The following PIK3R5 variants were observed in gnomAD, a reference collection of about 807,000 sequenced individuals.
PIK3R5 encodes the protein phosphoinositide-3-kinase regulatory subunit 5, also known as phosphoinositide 3-kinase regulatory subunit 5.
A neutral mutation model predicts 94.9 loss-of-function variants in PIK3R5; 32 were observed. That is an observed-to-expected ratio of 0.34 (90% CI 0.25 to 0.45). The LOEUF (loss-of-function observed/expected upper bound fraction) is 0.45, where lower values mean the gene tolerates loss of function less well. PIK3R5 is among the 20% of genes least tolerant of loss of function. The pLI is 1.00. For synonymous variants in PIK3R5, 443 were observed against 479.4 expected (o/e 0.92, Z 0.99); for missense variants, 853 against 1,144.6 (o/e 0.75, Z 3.68).
In PIK3R5 at chr17:8,937,750, T is replaced by A. The variant is rs141032251; in HGVS notation, c.-13-26243A>T. On this transcript the variant is annotated intron_variant, in intron 1 of 18. Transcript: ENST00000447110. ...ATTAGGTAATGCTGGCCTCATAGAATGAGTTAGGAAGCACTCCCTCTTCTT... is the reference window on the plus strand; with the variant it reads ...ATTAGGTAATGCTGGCCTCATAGAAAGAGTTAGGAAGCACTCCCTCTTCTT... 5.3e-5 allele frequency among the ~76,000 whole-genome samples: 8 copies of A among 152,216 alleles called. 1 individual carries two copies. Among genetic ancestry groups the A allele is most frequent in the Admixed American group, 3.9e-4 (6 of 15,278 alleles).
At chr17:8,942,976 A>ACACACAAT (rs2091212886) in intron 1 of PIK3R5, among the ~76,000 whole-genome samples, 2 of 151,758 alleles carry the variant, frequency 1.3e-5, no homozygotes, top group African/African-American at 4.8e-5. Context: ...ACACACACAC[A>ACACACAAT]CACACACACA....
chr17:8,893,722 G>A lies in PIK3R5; in HGVS notation c.413-67C>T. 1 of 1,226,174 alleles carries A rather than the reference G, an allele frequency of 8.2e-7. No individual in the cohort carries two copies. Among genetic ancestry groups the A allele is most frequent in the South Asian group, 1.2e-5 (1 of 82,328 alleles). The allele number at this position is 1,226,174 out of a possible 1,614,324, so 76.0% of individuals were successfully genotyped here. On this transcript the variant is annotated intron_variant, in intron 5 of 18. Coordinates refer to ENST00000447110, the MANE Select transcript of PIK3R5 (RefSeq NM_001142633.3). This position sits in a 1 kb window ranked among gnomAD's most constrained non-coding sequence, Gnocchi z 5.1. ...CTTCAGCATCGTCCGTGTGCCTCGT[G>A]GGGAGCCAAGCACTGGACAATCAGG... is the stretch of plus-strand genomic sequence containing the variant.
intron 1 of PIK3R5, among the ~76,000 whole-genome samples, chr17:8,944,270 A>G (rs1755455886): frequency 6.6e-6 from 1 of 152,170 alleles, no homozygotes; most frequent in South Asian, 2.1e-4. Context: ...GTTCTTTTTC[A>G]TGGCTACATA....
In PIK3R5 at chr17:8,896,892, C is replaced by T. The variant is rs555737836; in HGVS notation, c.413-3237G>A. On this transcript the variant is annotated intron_variant, in intron 5 of 18. Transcript: ENST00000447110. The surrounding 1 kb of genome is among the most constrained non-coding windows in gnomAD (Gnocchi z 4.0). ...GAATCAACAGGGTGGAAGCAGAGCCCGGCCCCAACGGCATTGCAATCTCCA... is the reference window on the plus strand; with the variant it reads ...GAATCAACAGGGTGGAAGCAGAGCCTGGCCCCAACGGCATTGCAATCTCCA... Among the ~76,000 whole-genome samples the T allele has an allele frequency of 2.6e-4, 40 of 152,264 alleles. 1 individual carries two copies. Among genetic ancestry groups the T allele is most frequent in the African/African-American group, 3.4e-4 (14 of 41,540 alleles).
Position 8,923,597 on chromosome 17 carries a change from G to A in PIK3R5, c.-13-12090C>T, listed in dbSNP as rs1003405081. On this transcript the variant is annotated intron_variant, in intron 1 of 18. Coordinates refer to ENST00000447110, the MANE Select transcript of PIK3R5 (RefSeq NM_001142633.3). ...CTGCCAAGCTGGGAAACCAGAGGAA[G>A]ACTATAACAATAAAACAAGCAATAA... is the stretch of plus-strand genomic sequence containing the variant. Among the ~76,000 whole-genome samples the A allele has an allele frequency of 2.6e-5, 4 of 152,324 alleles. No homozygotes were observed. The South Asian group carries it at 6.2e-4, about 24-fold the overall frequency.
At chr17:8,916,131 C>G (rs527272507) in intron 1 of PIK3R5, 4 of 152,334 alleles carry the variant, frequency 2.6e-5, no homozygotes, top group African/African-American at 4.8e-5. Context: ...GCCACTAGCC[C>G]CTGGGAGCCT....
At chr17:8,887,762 G>A in intron 10 of PIK3R5, 79 bp from the exon 11 acceptor site, 3 of 1,384,082 alleles carry the variant, frequency 2.2e-6, no homozygotes, top group Admixed American at 4.1e-5. Flanking sequence ...GGAGGCTGAG[G>A]TGGGTGGATC....
At chr17:8,900,037 TAA>T (rs111644115) in intron 5 of PIK3R5, among the ~76,000 whole-genome samples, 2 of 144,918 alleles carry the variant, frequency 1.4e-5, no homozygotes, top group Admixed American at 6.9e-5. Flanking sequence ...GATTCCATCT[TAA>T]AAAAAAAAAA....
At chr17:8,963,234 G>A (rs542876925) in intron 1 of PIK3R5, among the ~76,000 whole-genome samples, 21 of 152,304 alleles carry the variant, frequency 1.4e-4, no homozygotes, top group African/African-American at 3.6e-4. Context: ...ACAGGGCCAC[G>A]CAGCTCAGTC....
rs1269989593 is a variant in PIK3R5 at position 8,909,762 on chromosome 17, C to T, written c.104-588G>A. ...TTAGAGGACAATGAGCTCACTATGACTCCGCTCCCTGTGGAAGCACCAGTT... is the reference window on the plus strand; with the variant it reads ...TTAGAGGACAATGAGCTCACTATGATTCCGCTCCCTGTGGAAGCACCAGTT... On this transcript the variant is annotated intron_variant, in intron 2 of 18. Transcript: ENST00000447110. This position sits in a 1 kb window ranked among gnomAD's most constrained non-coding sequence, Gnocchi z 4.3. 6.6e-6 allele frequency among the ~76,000 whole-genome samples: 1 copy of T among 152,226 alleles called. No individual in the cohort carries two copies. Among genetic ancestry groups the T allele is most frequent in the Admixed American group, 6.5e-5 (1 of 15,286 alleles).
chr17:8,947,969 G>C (rs1397286310), intron 1 of PIK3R5, among the ~76,000 whole-genome samples: 3 of 150,938 alleles, frequency 2.0e-5, no homozygotes, highest in Non-Finnish European at 2.9e-5. Flanking sequence ...TGTGAACCCG[G>C]GAGGCGGAGC....
intron 14 of PIK3R5, 112 bp downstream of exon 14, chr17:8,886,117 C>T: frequency 3.8e-6 from 3 of 796,246 alleles, no homozygotes; most frequent in Non-Finnish European, 6.2e-6. Context: ...ACCTCCTGTG[C>T]AACCCCACCT....
chr17:8,947,658 T>C (rs539331168), intron 1 of PIK3R5, among the ~76,000 whole-genome samples: 1 of 152,240 alleles, frequency 6.6e-6, no homozygotes, highest in Admixed American at 6.5e-5. Context: ...CCAGTGTGAC[T>C]TCCTGGGGCA....
intron 1 of PIK3R5, among the ~76,000 whole-genome samples, chr17:8,960,351 T>C (rs1230195154): frequency 6.6e-6 from 1 of 152,248 alleles, no homozygotes; most frequent in Non-Finnish European, 1.5e-5. Flanking sequence ...CCCTCAACTA[T>C]ATTGAGTTCC....
chr17:8,964,328 C>T (rs1178902417), intron 1 of PIK3R5, among the ~76,000 whole-genome samples: 2 of 152,006 alleles, frequency 1.3e-5, no homozygotes, highest in Admixed American at 6.5e-5. Context: ...GAATTTAAGG[C>T]TGCAGTGAGC....
chr17:8,912,792 C>A (rs750128857), intron 1 of PIK3R5, among the ~76,000 whole-genome samples: 6 of 152,264 alleles, frequency 3.9e-5, no homozygotes, highest in Non-Finnish European at 8.8e-5. Context: ...AGGCCCCACA[C>A]AGGCAAATCC....
In PIK3R5 at chr17:8,886,233, C is replaced by G; in HGVS notation, c.2124G>C (p.Ala708=). Residue 708 remains alanine (A), a synonymous_variant, in exon 14 of 19, where the codon GCG becomes GCC. Coordinates refer to ENST00000447110, the MANE Select transcript of PIK3R5 (RefSeq NM_001142633.3). The part of the protein sequence containing the change: ...GHSAATRAIK[A]SGPGSKRLGI... ...CTCTGCTCAGGCAGTACCCACCTGACGCCTTGATGGCACGTGTGGCAGCGG... is the reference window on the plus strand; with the variant it reads ...CTCTGCTCAGGCAGTACCCACCTGAGGCCTTGATGGCACGTGTGGCAGCGG... The G allele has an allele frequency of 6.2e-7, 1 of 1,611,282 alleles. No homozygotes were observed. Among genetic ancestry groups the G allele is most frequent in the South Asian group, 1.1e-5 (1 of 91,056 alleles).
Position 8,881,677 on chromosome 17 carries a change from C to A in PIK3R5, c.2335G>T (p.Glu779Ter), listed in dbSNP as rs1364696569. ...SMEALTLNLT[E>*]VVKRQNSKSK... The stretch of plus-strand genomic sequence containing the variant: ...TTGGAGTTCTGCCTTTTCACCACTT[C>A]TGTCAGGTTTAGCGTCAGGGCCTCC... Residue 779 changes from glutamate to a stop codon, truncating the protein, a stop_gained, in exon 17 of 19, where the codon GAA (glutamate) becomes TAA (stop). Coordinates refer to ENST00000447110, the MANE Select transcript of PIK3R5 (RefSeq NM_001142633.3). LOFTEE classifies it high-confidence loss of function. The surrounding 1 kb of genome is among the most constrained non-coding windows in gnomAD (Gnocchi z 4.8). 1 of 1,613,918 alleles carries A rather than the reference C, an allele frequency of 6.2e-7. No individual in the cohort carries two copies. Among genetic ancestry groups the A allele is most frequent in the Non-Finnish European group, 8.5e-7 (1 of 1,179,906 alleles).
At chr17:8,920,593 T>C (rs2090721612) in intron 1 of PIK3R5, among the ~76,000 whole-genome samples, 1 of 152,248 alleles carries the variant, frequency 6.6e-6, no homozygotes, top group Non-Finnish European at 1.5e-5. Context: ...TGGAATCCCT[T>C]TTCAAATTTC....
Sources: allele counts gnomAD v4.1 joint callset (sites outside exome capture counted in the v4.1 genomes callset), GRCh38; gene constraint gnomAD v4.1.1; non-coding constraint Gnocchi (gnomAD v3.1); transcripts MANE v1.5; gene names NCBI Gene and HGNC (gene_info 2026-07-23, HGNC 2026-07-21).